The following BUB1B variants were observed in gnomAD, a reference collection of about 807,000 sequenced individuals.
BUB1B encodes mitotic checkpoint serine/threonine-protein kinase BUB1 beta.
BUB1B carries 86 observed loss-of-function variants against 137.7 expected under a neutral mutation model. The observed-to-expected ratio is 0.62, with a 90% CI of 0.52 to 0.75. The LOEUF (loss-of-function observed/expected upper bound fraction) is 0.75, where lower values mean the gene tolerates loss of function less well. Among genes scored for constraint, BUB1B ranks in the 30% least tolerant of loss-of-function variants. The probability of loss-of-function intolerance (pLI) is 0.00; values close to 1 mark genes in which losing one functional copy is unlikely to be tolerated. For synonymous variants in BUB1B, 420 were observed against 417.9 expected (o/e 1.00, Z -0.06); for missense variants, 1,130 against 1,236.9 (o/e 0.91, Z 1.30).
chr15:40,220,339 T>C (rs1194061272), intron 22 of BUB1B, among the ~76,000 whole-genome samples: 7 of 152,184 alleles, frequency 4.6e-5, no homozygotes, highest in Non-Finnish European at 1.0e-4. Flanking sequence ...TGAGAGATCT[T>C]CTTTCCCTTT....
chr15:40,188,096 G>A (rs1375936782), intron 8 of BUB1B, among the ~76,000 whole-genome samples: 1 of 152,136 alleles, frequency 6.6e-6, no homozygotes, highest in East Asian at 1.9e-4. Context: ...TGCCCAGGCT[G>A]GAGTGCAGTG....
intron 20 of BUB1B, among the ~76,000 whole-genome samples, chr15:40,214,457 G>A (rs2037750140): frequency 6.6e-6 from 1 of 152,172 alleles, no homozygotes; most frequent in South Asian, 2.1e-4. Context: ...AGTAAAAGCA[G>A]CCTGGTTTAA....
In BUB1B at chr15:40,202,469, C is replaced by T. The variant is rs1029721957; in HGVS notation, c.1628+4C>T. ...TTTCAGAAAAGAAGAATAAAAGGTA[C>T]GTTGTTTTTTTGTTTTTTTGGTTTT... On this transcript the variant is annotated splice_donor_region_variant and intron_variant, in intron 13 of 22. Transcript: ENST00000287598. 1.6e-5 allele frequency: 25 copies of T among 1,609,712 alleles called. No homozygotes were observed. Among genetic ancestry groups the T allele is most frequent in the Middle Eastern group, 1.7e-4 (1 of 6,034 alleles).
At chr15:40,172,414 C>T (rs1270707292) in intron 4 of BUB1B, among the ~76,000 whole-genome samples, 7 of 152,030 alleles carry the variant, frequency 4.6e-5, no homozygotes, top group Non-Finnish European at 1.0e-4. Flanking sequence ...AGACGCCTTA[C>T]CAATAACATA....
Position 40,206,123 on chromosome 15 carries a change from G to T in BUB1B, c.1735-61G>T. 5.1e-6 allele frequency: 8 copies of T among 1,562,566 alleles called. No homozygotes were observed. The South Asian group carries it at 7.9e-5, about 15-fold the overall frequency. ...TCACTGAGCTAATATGTCTCTCTCA[G>T]TAAAAAAGTTCTTCATGTATTGAAA... is the stretch of plus-strand genomic sequence containing the variant. On this transcript the variant is annotated intron_variant, in intron 14 of 22. Coordinates refer to ENST00000287598, the MANE Select transcript of BUB1B (RefSeq NM_001211.6).
intron 4 of BUB1B, among the ~76,000 whole-genome samples, chr15:40,173,010 T>C (rs891086816): frequency 2.0e-5 from 3 of 152,218 alleles, no homozygotes; most frequent in African/African-American, 7.2e-5. Context: ...GTGTGGTGGC[T>C]CCCACCTGTA....
chr15:40,198,642 A>C (rs367844936), intron 9 of BUB1B, among the ~76,000 whole-genome samples: 23 of 152,104 alleles, frequency 1.5e-4, no homozygotes, highest in African/African-American at 5.6e-4. Flanking sequence ...CTTCTTTCAA[A>C]AACTTTAGCT....
At chr15:40,173,295 TAA>T (rs61078619) in intron 4 of BUB1B, among the ~76,000 whole-genome samples, 90 of 85,880 alleles carry the variant, frequency 1.0e-3, no homozygotes, top group African/African-American at 3.1e-3. Context: ...GAAAAAAAGA[TAA>T]AAAAAAAAAA....
Position 40,165,182 on chromosome 15 carries a change from T to A in BUB1B, c.165T>A (p.Leu55=), listed in dbSNP as rs1007097048. 1.2e-6 allele frequency: 2 copies of A among 1,614,210 alleles called. No homozygotes were observed. The highest frequency in any genetic ancestry group is 1.7e-6 in the Non-Finnish European group (2 of 1,180,040). ...LAQESACNNT[L]QQQKRAFEYE... ...AAGAATCTGCCTGTAACAATACTCTTCAGCAGCAGAAACGGTGTGTAGAAT... is the reference window on the plus strand; with the variant it reads ...AAGAATCTGCCTGTAACAATACTCTACAGCAGCAGAAACGGTGTGTAGAAT... Residue 55 remains leucine (L), a synonymous_variant, in exon 2 of 23, where the codon CTT becomes CTA. Coordinates refer to ENST00000287598, the MANE Select transcript of BUB1B (RefSeq NM_001211.6).
chr15:40,211,186 C>T lies in BUB1B; in HGVS notation c.2385+976C>T, dbSNP rs534414979. Reference sequence around the variant, plus strand: ...ATATTATCAGCTTAATATTTTTGGTCTTTTTACTAGGTTTTTATTTCTATA... The same window carrying T: ...ATATTATCAGCTTAATATTTTTGGTTTTTTTACTAGGTTTTTATTTCTATA... On this transcript the variant is annotated intron_variant, in intron 18 of 22. Transcript: ENST00000287598. Among the ~76,000 whole-genome samples, 75 of 151,954 alleles carry T rather than the reference C, an allele frequency of 4.9e-4. No homozygotes were observed. In the South Asian group the frequency reaches 0.015, roughly 31 times the overall value.
chr15:40,208,213 AAAAAT>A (rs1305406688), intron 15 of BUB1B, among the ~76,000 whole-genome samples: 5 of 152,130 alleles, frequency 3.3e-5, no homozygotes, highest in Admixed American at 2.0e-4. Flanking sequence ...TATTGTGTTA[AAAAAT>A]AAAAGAATAA....
intron 1 of BUB1B, among the ~76,000 whole-genome samples, chr15:40,161,971 C>T (rs1050986292): frequency 6.6e-6 from 1 of 152,116 alleles, no homozygotes; most frequent in African/African-American, 2.4e-5. Flanking sequence ...AATCTCAACC[C>T]TCATGAAGCT....
intron 14 of BUB1B, among the ~76,000 whole-genome samples, chr15:40,204,944 CTTTTT>C (rs11333364): frequency 1.1e-5 from 1 of 94,794 alleles, no homozygotes; most frequent in Non-Finnish European, 2.1e-5. Context: ...CTGGCCAAAT[CTTTTT>C]TTTTTTTTTT....
At chr15:40,167,889 TTGTC>T (rs918526912) in intron 2 of BUB1B, among the ~76,000 whole-genome samples, 11 of 152,232 alleles carry the variant, frequency 7.2e-5, no homozygotes, top group African/African-American at 2.4e-4. Context: ...ATTGATCAAA[TTGTC>T]TGTCCTTTCA....
At chr15:40,208,828 C>T (rs1470208849) in intron 16 of BUB1B, 58 bp downstream of exon 16, 3 of 1,539,830 alleles carry the variant, frequency 1.9e-6, no homozygotes, top group Non-Finnish European at 2.7e-6. Flanking sequence ...TCTCAGCAAA[C>T]TGAGCTGTAT....
At chr15:40,212,146 T>A (rs1248221417) in intron 18 of BUB1B, among the ~76,000 whole-genome samples, 2 of 152,232 alleles carry the variant, frequency 1.3e-5, no homozygotes, top group African/African-American at 2.4e-5. Context: ...ACCTTCCTCT[T>A]AAATGGGATT....
chr15:40,204,833 G>A (rs995331917), intron 14 of BUB1B, among the ~76,000 whole-genome samples: 2 of 151,048 alleles, frequency 1.3e-5, no homozygotes, highest in Non-Finnish European at 2.9e-5. Context: ...ACAGGGTTTT[G>A]CCATGTTGCC....
intron 4 of BUB1B, among the ~76,000 whole-genome samples, chr15:40,172,637 C>T (rs770840440): frequency 3.3e-5 from 5 of 151,604 alleles, no homozygotes; most frequent in East Asian, 1.9e-4. Flanking sequence ...TGCTGTCTCA[C>T]GGGTGGCAGA....
chr15:40,161,305 TG>T, intron 1 of BUB1B, 50 bp downstream of exon 1: 1 of 1,589,086 alleles, frequency 6.3e-7, no homozygotes, highest in Non-Finnish European at 8.6e-7. Context: ...GGACACGGCC[TG>T]GTAGGTAATA....
Sources: allele counts gnomAD v4.1 joint callset (sites outside exome capture counted in the v4.1 genomes callset), GRCh38; gene constraint gnomAD v4.1.1; transcripts MANE v1.5; gene names NCBI Gene and HGNC (gene_info 2026-07-23, HGNC 2026-07-21).